ADGRB3: variants seen among roughly 807,000 people sequenced by gnomAD.
ADGRB3 encodes adhesion G protein-coupled receptor B3.
ADGRB3 carries 37 observed loss-of-function variants against 193.4 expected under a neutral mutation model. The ratio of observed to expected loss-of-function variants is 0.19; its 90% CI spans 0.15 to 0.25. The LOEUF (loss-of-function observed/expected upper bound fraction) is 0.25, where lower values mean the gene tolerates loss of function less well. Among genes scored for constraint, ADGRB3 ranks in the 10% least tolerant of loss-of-function variants. The pLI is 1.00. For synonymous variants in ADGRB3, 690 were observed against 644.2 expected (o/e 1.07, Z -1.08); for missense variants, 1,637 against 1,852.9 (o/e 0.88, Z 2.14).
intron 3 of ADGRB3, among the ~76,000 whole-genome samples, chr6:68,780,511 A>C (rs539921492): frequency 1.3e-5 from 2 of 152,212 alleles, no homozygotes; most frequent in South Asian, 4.1e-4. Flanking sequence ...CAATCAATCC[A>C]ATGCATACCG....
intron 8 of ADGRB3, among the ~76,000 whole-genome samples, chr6:68,959,077 A>G (rs1418988289): frequency 1.3e-5 from 2 of 152,182 alleles, no homozygotes; most frequent in Non-Finnish European, 2.9e-5. Flanking sequence ...CATATTAATT[A>G]TTTAACTTTT....
intron 11 of ADGRB3, among the ~76,000 whole-genome samples, chr6:69,002,383 T>A (rs1213928104): frequency 6.6e-6 from 1 of 152,144 alleles, no homozygotes; most frequent in African/African-American, 2.4e-5. Context: ...CACGCCTGGC[T>A]AATTTTTGTA....
chr6:69,051,128 A>C (rs1420695904), intron 15 of ADGRB3, among the ~76,000 whole-genome samples: 6 of 152,200 alleles, frequency 3.9e-5, no homozygotes, highest in African/African-American at 1.4e-4. Context: ...AACTTAAAAA[A>C]AATTTCATGA....
At chr6:68,874,898 T>G (rs1036637429) in intron 3 of ADGRB3, among the ~76,000 whole-genome samples, 4 of 152,154 alleles carry the variant, frequency 2.6e-5, no homozygotes, top group African/African-American at 7.2e-5. Context: ...AAACCTGAAT[T>G]TAAAGAGTGC....
chr6:69,062,893 A>G, intron 15 of ADGRB3, 41 bp from the exon 16 acceptor site: 11 of 1,424,948 alleles, frequency 7.7e-6, no homozygotes, highest in Non-Finnish European at 1.1e-5. Flanking sequence ...TATACTTTTC[A>G]GCACTCATTT....
intron 17 of ADGRB3, among the ~76,000 whole-genome samples, chr6:69,111,821 A>T (rs1409250493): frequency 6.6e-6 from 1 of 152,008 alleles, no homozygotes; most frequent in African/African-American, 2.4e-5. Flanking sequence ...CCATCAGCTT[A>T]AAAAAACCCT....
chr6:68,933,006 A>G (rs1308858376), intron 4 of ADGRB3, among the ~76,000 whole-genome samples: 1 of 150,590 alleles, frequency 6.6e-6, no homozygotes, highest in Non-Finnish European at 1.5e-5. Context: ...GTAACATTTG[A>G]TAAAGTAGCA....
intron 3 of ADGRB3, among the ~76,000 whole-genome samples, chr6:68,643,891 C>T (rs1203494811): frequency 6.7e-6 from 1 of 149,934 alleles, no homozygotes; most frequent in East Asian, 1.9e-4. Flanking sequence ...GAGATCGCAC[C>T]ACTGCACTCC....
chr6:68,700,215 G>A (rs1020564038), intron 3 of ADGRB3, among the ~76,000 whole-genome samples: 1 of 152,158 alleles, frequency 6.6e-6, no homozygotes, highest in Admixed American at 6.5e-5. Flanking sequence ...GGACTTTAAT[G>A]TGGACACAGG....
intron 3 of ADGRB3, among the ~76,000 whole-genome samples, chr6:68,655,402 G>A (rs1265621807): frequency 3.3e-5 from 5 of 151,636 alleles, no homozygotes. Flanking sequence ...TTAGCATAAT[G>A]TTTGGACTGT....
At chr6:69,018,333 T>C (rs1770157901) in intron 12 of ADGRB3, 58 bp from the exon 13 acceptor site, 1 of 1,085,008 alleles carries the variant, frequency 9.2e-7, no homozygotes, top group Non-Finnish European at 1.3e-6. Flanking sequence ...AATTCAGTTA[T>C]ATATGCCATT....
intron 12 of ADGRB3, among the ~76,000 whole-genome samples, chr6:69,015,747 A>G (rs1770069956): frequency 6.6e-6 from 1 of 151,904 alleles, no homozygotes; most frequent in Non-Finnish European, 1.5e-5. Context: ...ACTCTTTCGA[A>G]TAGTCATTTC....
rs1769980962 is a variant in ADGRB3 at position 69,382,847 on chromosome 6, G to A, written c.4292G>A (p.Arg1431Lys). ...DLDFEKVMHT[R>K]KRHMELFQEL... ...TTTTTGCAGAAGGTCATGCATACAA[G>A]GAAGAGGCATATGGAACTATTTCAA... The change falls in exon 31 of 32, where the codon AGG (arginine) becomes AAG (lysine). Residue 1431 changes from arginine (R) to lysine (K), a missense_variant. Coordinates refer to ENST00000370598, the MANE Select transcript of ADGRB3 (RefSeq NM_001704.3). The A allele has an allele frequency of 6.2e-7, 1 of 1,606,872 alleles. No individual in the cohort carries two copies.
intron 17 of ADGRB3, among the ~76,000 whole-genome samples, chr6:69,210,483 C>G (rs6908986): frequency 0.064 from 9,719 of 151,986 alleles, 832 homozygotes; most frequent in African/African-American, 0.18. Flanking sequence ...TTGGCAACGC[C>G]CTCACAGACA....
chr6:68,993,089 T>G (rs1010634942), intron 10 of ADGRB3, among the ~76,000 whole-genome samples: 3 of 152,146 alleles, frequency 2.0e-5, no homozygotes, highest in Admixed American at 1.3e-4. Context: ...ATATAAGAAT[T>G]GGCAGCACAT....
chr6:68,859,554 G>A (rs1392357665), intron 3 of ADGRB3, among the ~76,000 whole-genome samples: 1 of 152,202 alleles, frequency 6.6e-6, no homozygotes, highest in African/African-American at 2.4e-5. Flanking sequence ...CACAATTATG[G>A]CTAAAGACAA....
At chr6:68,865,392 T>C (rs1006410169) in intron 3 of ADGRB3, among the ~76,000 whole-genome samples, 2 of 152,160 alleles carry the variant, frequency 1.3e-5, no homozygotes, top group African/African-American at 4.8e-5. Flanking sequence ...GAAGGATCTG[T>C]CTTTCTTGCC....
intron 17 of ADGRB3, 148 bp from the exon 18 acceptor site, chr6:69,233,142 A>T: frequency 8.7e-7 from 1 of 1,152,772 alleles, no homozygotes; most frequent in Non-Finnish European, 1.2e-6. Context: ...CATCTAAATT[A>T]CATCCTGTTC....
intron 11 of ADGRB3, among the ~76,000 whole-genome samples, chr6:68,997,549 G>A (rs1040089506): frequency 3.3e-5 from 5 of 149,930 alleles, no homozygotes; most frequent in African/African-American, 1.2e-4. Flanking sequence ...CTAGCTACTC[G>A]GGAGCCTGAG....
Sources: gnomAD v4.1 joint callset for allele counts (sites outside exome capture counted in the v4.1 genomes callset) on GRCh38, gnomAD v4.1.1 for gene constraint, MANE v1.5 for transcripts, NCBI Gene and HGNC (gene_info 2026-07-23, HGNC 2026-07-21) for gene names.